Variants in GRM7 observed in about 807,000 individuals in gnomAD.
GRM7 encodes metabotropic glutamate receptor 7.
A neutral mutation model predicts 84.5 loss-of-function variants in GRM7; 35 were observed. The observed-to-expected ratio is 0.41, with a 90% CI of 0.32 to 0.55. The LOEUF (loss-of-function observed/expected upper bound fraction) is 0.55, where lower values mean the gene tolerates loss of function less well. Ranked by LOEUF, GRM7 falls within the 20% of genes least tolerant of loss-of-function variation. The pLI is 0.19. For synonymous variants in GRM7, 487 were observed against 455.1 expected (o/e 1.07, Z -0.89); for missense variants, 1,003 against 1,194.6 (o/e 0.84, Z 2.36).
At chr3:7,411,812 C>G (rs1695949601) in intron 4 of GRM7, among the ~76,000 whole-genome samples, 2 of 152,074 alleles carry the variant, frequency 1.3e-5, no homozygotes, top group African/African-American at 4.8e-5. Context: ...AGTGCATGTA[C>G]CTAGCAGTAG....
intron 1 of GRM7, among the ~76,000 whole-genome samples, chr3:6,890,616 A>T (rs1314891059): frequency 6.6e-6 from 1 of 151,920 alleles, no homozygotes; most frequent in South Asian, 2.1e-4. Context: ...GTAATTTCTG[A>T]TCTTTTACAT....
rs181403006 is a variant in GRM7, at chr3:7,467,333, C to T, written c.1515+5611C>T. ...TGATCTGCTGACCTTGTAATCAGTCCGCCTGAGCCTCCCAAAGTGCTGGGA... is the reference window on the plus strand; with the variant it reads ...TGATCTGCTGACCTTGTAATCAGTCTGCCTGAGCCTCCCAAAGTGCTGGGA... On this transcript the variant is annotated intron_variant, in intron 7 of 9. Coordinates refer to ENST00000357716, the MANE Select transcript of GRM7 (RefSeq NM_000844.4). 5.8e-4 allele frequency among the ~76,000 whole-genome samples: 88 copies of T among 152,222 alleles called. No individual in the cohort carries two copies. In the East Asian group the frequency reaches 0.011, roughly 18 times the overall value.
intron 7 of GRM7, among the ~76,000 whole-genome samples, chr3:7,483,820 T>G (rs1424137170): frequency 6.6e-6 from 1 of 151,958 alleles, no homozygotes; most frequent in African/African-American, 2.4e-5. Flanking sequence ...TTATATATTG[T>G]ATATGGAATA....
intron 7 of GRM7, among the ~76,000 whole-genome samples, chr3:7,537,458 A>G (rs1323126758): frequency 1.3e-5 from 2 of 152,198 alleles, no homozygotes; most frequent in Admixed American, 6.5e-5. Context: ...TGTCTACCAT[A>G]GCAGATTCAA....
chr3:7,518,398 A>G (rs956639891), intron 7 of GRM7, among the ~76,000 whole-genome samples: 4 of 152,214 alleles, frequency 2.6e-5, no homozygotes, highest in Non-Finnish European at 5.9e-5. Context: ...TCTGTCTGCC[A>G]TGACACCTTA....
At chr3:7,064,524 A>ACACACACG (rs1697576539) in intron 1 of GRM7, among the ~76,000 whole-genome samples, 1 of 113,232 alleles carries the variant, frequency 8.8e-6, no homozygotes, top group African/African-American at 3.7e-5. Context: ...ATATACACAC[A>ACACACACG]CACACACGCA....
At chr3:6,943,882 C>T (rs1312816545) in intron 1 of GRM7, among the ~76,000 whole-genome samples, 3 of 151,922 alleles carry the variant, frequency 2.0e-5, no homozygotes, top group South Asian at 2.1e-4. Context: ...ATTAAGTGTA[C>T]GGGTGTTGTA....
chr3:7,049,038 A>C (rs1016239509), intron 1 of GRM7, among the ~76,000 whole-genome samples: 1 of 151,978 alleles, frequency 6.6e-6, no homozygotes, highest in Non-Finnish European at 1.5e-5. Flanking sequence ...AGATTAAATA[A>C]ATTATATTCA....
chr3:7,098,060 G>A (rs1698919412), intron 1 of GRM7, among the ~76,000 whole-genome samples: 1 of 152,018 alleles, frequency 6.6e-6, no homozygotes, highest in African/African-American at 2.4e-5. Context: ...TTTCAAAGCA[G>A]CTGTTAATTT....
intron 8 of GRM7, among the ~76,000 whole-genome samples, chr3:7,613,314 C>G (rs1319017539): frequency 2.0e-5 from 3 of 152,176 alleles, no homozygotes; most frequent in African/African-American, 4.8e-5. Flanking sequence ...AGGATTTAGT[C>G]TATGCATTCA....
intron 7 of GRM7, among the ~76,000 whole-genome samples, chr3:7,514,538 T>C (rs757207535): frequency 7.9e-5 from 12 of 152,216 alleles, no homozygotes; most frequent in African/African-American, 2.9e-4. Context: ...CCATGTGGAA[T>C]GTTTCACTCA....
At chr3:7,197,395 A>G (rs1376407831) in intron 2 of GRM7, among the ~76,000 whole-genome samples, 1 of 152,128 alleles carries the variant, frequency 6.6e-6, no homozygotes, top group African/African-American at 2.4e-5. Flanking sequence ...AAATAATTCC[A>G]ATTCTCTCAA....
intron 8 of GRM7, among the ~76,000 whole-genome samples, chr3:7,583,502 A>G (rs1055087272): frequency 7.2e-5 from 11 of 152,244 alleles, no homozygotes; most frequent in African/African-American, 2.7e-4. Flanking sequence ...AGCAAGGACT[A>G]TTAACACATC....
chr3:7,226,638 A>G (rs1413286005), intron 2 of GRM7, among the ~76,000 whole-genome samples: 3 of 152,208 alleles, frequency 2.0e-5, no homozygotes, highest in Non-Finnish European at 2.9e-5. Flanking sequence ...GGTGGGACTT[A>G]CAGGGCCACC....
At chr3:7,505,404 G>A (rs985425422) in intron 7 of GRM7, among the ~76,000 whole-genome samples, 3 of 152,228 alleles carry the variant, frequency 2.0e-5, no homozygotes, top group Non-Finnish European at 4.4e-5. Context: ...GCCCTAGAGG[G>A]AGCTCTTAGC....
chr3:6,937,006 T>C (rs768883663), intron 1 of GRM7, among the ~76,000 whole-genome samples: 40 of 152,178 alleles, frequency 2.6e-4, no homozygotes, highest in Non-Finnish European at 4.3e-4. Context: ...AAGTGCTTTA[T>C]GTAATTCCAG....
chr3:7,263,525 C>T (rs2124963276), intron 2 of GRM7, among the ~76,000 whole-genome samples: 1 of 152,230 alleles, frequency 6.6e-6, no homozygotes, highest in African/African-American at 2.4e-5. Context: ...TTGGTGGCAA[C>T]ACGGGTCAGG....
rs574953620 is a variant in GRM7, at chr3:7,478,587, C to T, written c.1515+16865C>T. On this transcript the variant is annotated intron_variant, in intron 7 of 9. Coordinates refer to ENST00000357716, the MANE Select transcript of GRM7 (RefSeq NM_000844.4). ...GGGAGCAATCAATGAGTATGGTCAA[C>T]AGCTCTTGATGAAATAGGGTCCTGA... Among the ~76,000 whole-genome samples, 29 of 152,238 alleles carry T rather than the reference C, an allele frequency of 1.9e-4. No homozygotes were observed. The South Asian group carries it at 5.8e-3, about 31-fold the overall frequency.
chr3:7,088,171 A>G (rs1257472808), intron 1 of GRM7, among the ~76,000 whole-genome samples: 1 of 152,170 alleles, frequency 6.6e-6, no homozygotes, highest in Non-Finnish European at 1.5e-5. Context: ...CCAGCCGTCT[A>G]AGCTTCAGTA....
Sources: gnomAD v4.1 joint callset for allele counts (sites outside exome capture counted in the v4.1 genomes callset) on GRCh38, gnomAD v4.1.1 for gene constraint, MANE v1.5 for transcripts, NCBI Gene and HGNC (gene_info 2026-07-23, HGNC 2026-07-21) for gene names.